TPRG1: variants seen among roughly 807,000 people sequenced by gnomAD.
TPRG1 encodes the protein tumor protein p63 regulated 1, also known as tumor protein p63-regulated gene 1 protein.
A neutral mutation model predicts 29.3 loss-of-function variants in TPRG1; 29 were observed. The ratio of observed to expected loss-of-function variants is 0.99; its 90% CI spans 0.74 to 1.35. TPRG1 has a LOEUF of 1.35. TPRG1 is among the 40% of genes most tolerant of loss of function. The probability of loss-of-function intolerance (pLI) is 0.00; values close to 1 mark genes in which losing one functional copy is unlikely to be tolerated. For missense variants in TPRG1, 327 were observed against 335.0 expected (o/e 0.98, Z 0.19); for synonymous variants, 130 against 116.8 (o/e 1.11, Z -0.73).
In TPRG1 at chr3:189,322,888, A is replaced by G. The variant is rs1396399190; in HGVS notation, c.*2068A>G. 1 of 152,116 alleles carries G rather than the reference A, an allele frequency of 6.6e-6. No homozygotes were observed. Among genetic ancestry groups the G allele is most frequent in the East Asian group, 1.9e-4 (1 of 5,190 alleles). 9.4% of individuals were successfully genotyped at this position (152,116 alleles called of 1,614,324 possible). ...ATGGGATAAGCATTTAATGGAATCAAAGCTGTTTTGCATAAAGAGTGAACT... is the reference window on the plus strand; with the variant it reads ...ATGGGATAAGCATTTAATGGAATCAGAGCTGTTTTGCATAAAGAGTGAACT... On this transcript the variant is annotated 3_prime_UTR_variant, in exon 6 of 6. Coordinates refer to ENST00000345063, the MANE Select transcript of TPRG1 (RefSeq NM_198485.4).
intron 4 of TPRG1, among the ~76,000 whole-genome samples, chr3:189,296,970 C>G (rs890371569): frequency 6.8e-6 from 1 of 146,822 alleles, no homozygotes; most frequent in Non-Finnish European, 1.5e-5. Context: ...ACTGATAAAC[C>G]CTCTTCTTCT....
At chr3:189,124,911 A>T (rs1722270614) in intron 1 of TPRG1, among the ~76,000 whole-genome samples, 1 of 152,168 alleles carries the variant, frequency 6.6e-6, no homozygotes. Context: ...CAAACTTTTA[A>T]TTTATTAGCT....
At chr3:189,175,267 C>T (rs1367966709) in intron 1 of TPRG1, among the ~76,000 whole-genome samples, 1 of 151,382 alleles carries the variant, frequency 6.6e-6, no homozygotes, top group Admixed American at 6.6e-5. Flanking sequence ...GGCACTCGAA[C>T]TGGGCTTTGG....
intron 3 of TPRG1, among the ~76,000 whole-genome samples, chr3:189,223,957 G>A (rs934505742): frequency 1.3e-5 from 2 of 152,070 alleles, no homozygotes; most frequent in Non-Finnish European, 2.9e-5. Flanking sequence ...TGCCCTAAGT[G>A]ATGAAAGTAC....
chr3:189,271,675 A>G (rs970541362), intron 4 of TPRG1, among the ~76,000 whole-genome samples: 2 of 152,240 alleles, frequency 1.3e-5, no homozygotes, highest in African/African-American at 4.8e-5. Context: ...GAACTAGAAA[A>G]GACCTTAGAG....
chr3:189,053,558 A>G (rs797010738), intron 4 of TPRG1, among the ~76,000 whole-genome samples: 31 of 151,806 alleles, frequency 2.0e-4, no homozygotes, highest in African/African-American at 7.5e-4. Context: ...CTGTTGACCA[A>G]CTCCTGCTCC....
At chr3:189,094,342 A>G (rs756077884) in intron 4 of TPRG1, among the ~76,000 whole-genome samples, 1 of 151,978 alleles carries the variant, frequency 6.6e-6, no homozygotes, top group South Asian at 2.1e-4. Context: ...CTCCAGTACA[A>G]TTTTTCTCTC....
chr3:189,254,064 CTTTTGGTG>C (rs1299168189), intron 4 of TPRG1, among the ~76,000 whole-genome samples: 1 of 152,100 alleles, frequency 6.6e-6, no homozygotes, highest in East Asian at 1.9e-4. Context: ...GTTGCCATTG[CTTTTGGTG>C]TTTTAGTCAT....
At chr3:189,164,441 C>T (rs1362407876) in intron 5 of TPRG1, among the ~76,000 whole-genome samples, 4 of 152,076 alleles carry the variant, frequency 2.6e-5, no homozygotes, top group South Asian at 4.1e-4. Context: ...GGATTACAGG[C>T]GTGAGCCACC....
At chr3:189,050,751 A>G (rs990413836) in intron 4 of TPRG1, among the ~76,000 whole-genome samples, 7 of 152,368 alleles carry the variant, frequency 4.6e-5, no homozygotes, top group Non-Finnish European at 1.0e-4. Flanking sequence ...AGTAGGTTAC[A>G]TAACAGGGAT....
At chr3:189,071,814 T>C (rs762063175) in intron 4 of TPRG1, among the ~76,000 whole-genome samples, 5 of 152,208 alleles carry the variant, frequency 3.3e-5, no homozygotes, top group African/African-American at 9.7e-5. Flanking sequence ...TTTCTAAGGT[T>C]CGAAATCTGC....
At chr3:189,048,892 G>C (rs1446755265) in intron 4 of TPRG1, among the ~76,000 whole-genome samples, 1 of 152,156 alleles carries the variant, frequency 6.6e-6, no homozygotes, top group Non-Finnish European at 1.5e-5. Context: ...CTGAAGATCT[G>C]TTTGCAGGAG....
chr3:189,026,999 G>A (rs986045314), intron 4 of TPRG1, among the ~76,000 whole-genome samples: 1 of 152,084 alleles, frequency 6.6e-6, no homozygotes, highest in Non-Finnish European at 1.5e-5. Flanking sequence ...TTGATTTTTT[G>A]TAAGTAAAAT....
At chr3:189,298,865 C>T (rs1265467046) in intron 4 of TPRG1, among the ~76,000 whole-genome samples, 1 of 152,070 alleles carries the variant, frequency 6.6e-6, no homozygotes. Flanking sequence ...TTTCAAATTC[C>T]TCCAAAAGTG....
At chr3:189,117,531 C>A (rs1238733720) in intron 1 of TPRG1, among the ~76,000 whole-genome samples, 1 of 152,196 alleles carries the variant, frequency 6.6e-6, no homozygotes, top group Non-Finnish European at 1.5e-5. Context: ...TGGGTTCAGG[C>A]AGTGACATGG....
chr3:189,115,850 G>A (rs1397820292), intron 1 of TPRG1, among the ~76,000 whole-genome samples: 2 of 152,072 alleles, frequency 1.3e-5, no homozygotes, highest in Admixed American at 6.6e-5. Flanking sequence ...TCTTGGGCAG[G>A]TTACCTCTTT....
chr3:189,273,264 T>C (rs1182354225), intron 4 of TPRG1, among the ~76,000 whole-genome samples: 1 of 152,222 alleles, frequency 6.6e-6, no homozygotes, highest in Non-Finnish European at 1.5e-5. Flanking sequence ...TTTAAGGGCT[T>C]ACTGTATGGC....
intron 5 of TPRG1, among the ~76,000 whole-genome samples, chr3:189,163,681 C>T (rs1046212871): frequency 2.0e-5 from 3 of 152,120 alleles, no homozygotes; most frequent in Admixed American, 6.5e-5. Context: ...GCTCTCTGTG[C>T]CTTAGTTTCC....
At chr3:189,247,884 T>C (rs947787750) in intron 4 of TPRG1, among the ~76,000 whole-genome samples, 5 of 151,958 alleles carry the variant, frequency 3.3e-5, no homozygotes, top group African/African-American at 1.2e-4. Context: ...AATATACTAT[T>C]GAATATTAAT....
Sources: allele counts gnomAD v4.1 joint callset (sites outside exome capture counted in the v4.1 genomes callset), GRCh38; gene constraint gnomAD v4.1.1; transcripts MANE v1.5; gene names NCBI Gene and HGNC (gene_info 2026-07-23, HGNC 2026-07-21).